Variants in RIMS2 observed in about 807,000 individuals in gnomAD.
RIMS2 encodes the protein regulating synaptic membrane exocytosis 2.
RIMS2 carries 59 observed loss-of-function variants against 174.4 expected under a neutral mutation model. That is an observed-to-expected ratio of 0.34 (90% CI 0.27 to 0.42). RIMS2 has a LOEUF of 0.42. RIMS2 is among the 10% of genes least tolerant of loss of function. The pLI is 1.00. For missense variants in RIMS2, 1,620 were observed against 1,666.3 expected (o/e 0.97, Z 0.48); for synonymous variants, 606 against 572.5 (o/e 1.06, Z -0.84).
At chr8:103,547,488 T>C (rs1410888642) in intron 1 of RIMS2, among the ~76,000 whole-genome samples, 1 of 152,166 alleles carries the variant, frequency 6.6e-6, no homozygotes, top group African/African-American at 2.4e-5. Context: ...CATACCAGAA[T>C]CTCTGGGACA....
chr8:103,813,348 A>G (rs1424388255), intron 3 of RIMS2, among the ~76,000 whole-genome samples: 2 of 151,174 alleles, frequency 1.3e-5, no homozygotes, highest in Non-Finnish European at 2.9e-5. Context: ...GCCACTAGGC[A>G]TTTATAAACC....
intron 2 of RIMS2, among the ~76,000 whole-genome samples, chr8:103,721,658 T>A (rs1490995718): frequency 2.0e-5 from 3 of 152,194 alleles, no homozygotes; most frequent in Non-Finnish European, 2.9e-5. Flanking sequence ...TTACTACTTT[T>A]TTATCTTTTA....
chr8:103,689,677 CCTG>C (rs2096988637), intron 1 of RIMS2, among the ~76,000 whole-genome samples: 2 of 152,066 alleles, frequency 1.3e-5, no homozygotes, highest in Admixed American at 1.3e-4. Context: ...TATAGTTACT[CCTG>C]CTCCTTTTTT....
chr8:104,247,136 C>T (rs1225437325), intron 20 of RIMS2, among the ~76,000 whole-genome samples: 1 of 152,052 alleles, frequency 6.6e-6, no homozygotes, highest in Non-Finnish European at 1.5e-5. Flanking sequence ...TGTATTTTGA[C>T]AGTAGAGCAA....
chr8:103,546,728 C>CA, intron 1 of RIMS2, among the ~76,000 whole-genome samples: 1 of 152,182 alleles, frequency 6.6e-6, no homozygotes, highest in Admixed American at 6.5e-5. Context: ...CTAGGAAAAC[C>CA]ACTCAAAACC....
intron 19 of RIMS2, among the ~76,000 whole-genome samples, chr8:104,024,159 C>T (rs1021600220): frequency 4.6e-5 from 7 of 152,076 alleles, no homozygotes; most frequent in African/African-American, 1.7e-4. Context: ...AAACAGAATA[C>T]ATGAAGGATA....
At position 104,213,750 on chromosome 8, in the gene RIMS2, G is replaced by A. The variant is rs544411703; in HGVS notation, c.3335-31166G>A. Among the ~76,000 whole-genome samples the A allele has an allele frequency of 1.7e-3, 250 of 151,444 alleles. 2 individuals carry two copies. Among genetic ancestry groups the A allele is most frequent in the African/African-American group, 5.4e-3 (223 of 41,204 alleles). ...AAATTAGTTGGGCGTGGTGGCACGCGCCTGTAGTCCCTGCTACTCAGGAGG... is the reference window on the plus strand; with the variant it reads ...AAATTAGTTGGGCGTGGTGGCACGCACCTGTAGTCCCTGCTACTCAGGAGG... On this transcript the variant is annotated intron_variant, in intron 19 of 23. Coordinates refer to ENST00000504942, the Ensembl canonical transcript of RIMS2.
intron 19 of RIMS2, among the ~76,000 whole-genome samples, 184 bp from the exon 26 acceptor site, chr8:104,244,732 T>G (rs937193276): frequency 6.6e-6 from 1 of 152,198 alleles, no homozygotes; most frequent in Non-Finnish European, 1.5e-5. Flanking sequence ...TTTTAGAAAA[T>G]CTTCATCCCA....
Position 103,858,417 on chromosome 8 carries a change from A to G in RIMS2, c.699-26881A>G, listed in dbSNP as rs188361792. Among the ~76,000 whole-genome samples the G allele has an allele frequency of 4.4e-3, 666 of 152,234 alleles. 3 individuals carry two copies. The highest frequency in any genetic ancestry group is 0.019 in the South Asian group (93 of 4,822). Reference sequence around the variant, plus strand: ...TAGCCAACTTTCCAATTTTATTTTAATATTAATAGAAGGCATTGGATTATC... The same window carrying G: ...TAGCCAACTTTCCAATTTTATTTTAGTATTAATAGAAGGCATTGGATTATC... On this transcript the variant is annotated intron_variant, in intron 3 of 23. Coordinates refer to ENST00000504942, the Ensembl canonical transcript of RIMS2.
rs985040541 is a variant in RIMS2, at chr8:103,680,265, C to G, written c.177-16821C>G. On this transcript the variant is annotated intron_variant, in intron 1 of 23. Transcript: ENST00000504942. ...CTTAGTATATGATAGATTGATATCA[C>G]AAATCAGTGGAAGAAAGGACGAACT... 5.9e-5 allele frequency among the ~76,000 whole-genome samples: 9 copies of G among 151,958 alleles called. No homozygotes were observed. In the South Asian group the frequency reaches 1.7e-3, roughly 28 times the overall value.
intron 19 of RIMS2, among the ~76,000 whole-genome samples, chr8:104,189,943 C>G (rs943521671): frequency 6.6e-6 from 1 of 151,970 alleles, no homozygotes; most frequent in Non-Finnish European, 1.5e-5. Context: ...CTCACATCAT[C>G]TTCAAGGGTC....
intron 19 of RIMS2, among the ~76,000 whole-genome samples, chr8:104,070,631 G>T (rs2097180616): frequency 6.6e-6 from 1 of 151,946 alleles, no homozygotes; most frequent in Non-Finnish European, 1.5e-5. Flanking sequence ...TGTTCACCTT[G>T]TATAATCCAG....
intron 14 of RIMS2, among the ~76,000 whole-genome samples, chr8:103,949,446 A>G (rs1483442198): frequency 6.6e-6 from 1 of 152,218 alleles, no homozygotes; most frequent in Non-Finnish European, 1.5e-5. Flanking sequence ...AAAGTTTGTT[A>G]TCTGATCACG....
At chr8:104,202,313 G>A (rs543916820) in intron 19 of RIMS2, among the ~76,000 whole-genome samples, 2 of 152,124 alleles carry the variant, frequency 1.3e-5, no homozygotes, top group Non-Finnish European at 1.5e-5. Flanking sequence ...ACAAAGAGAC[G>A]TGGTATATTA....
At chr8:103,874,728 C>T (rs926735641) in intron 3 of RIMS2, among the ~76,000 whole-genome samples, 3 of 152,020 alleles carry the variant, frequency 2.0e-5, no homozygotes, top group Non-Finnish European at 4.4e-5. Context: ...ACTGTGTTGT[C>T]TAATCTGGTG....
intron 15 of RIMS2, among the ~76,000 whole-genome samples, chr8:103,961,581 T>C (rs1339367711): frequency 6.6e-6 from 1 of 152,182 alleles, no homozygotes; most frequent in Non-Finnish European, 1.5e-5. Context: ...TTTGAAATTA[T>C]AGTATTGTAG....
intron 3 of RIMS2, among the ~76,000 whole-genome samples, chr8:103,781,655 T>G (rs1420828944): frequency 6.6e-6 from 1 of 151,906 alleles, no homozygotes; most frequent in East Asian, 1.9e-4. Flanking sequence ...TGTTTTGGAG[T>G]AAATTTTAAG....
intron 19 of RIMS2, among the ~76,000 whole-genome samples, chr8:104,131,901 T>A (rs1224727296): frequency 2.6e-5 from 4 of 152,184 alleles, no homozygotes; most frequent in Non-Finnish European, 4.4e-5. Flanking sequence ...ATACAAGCAC[T>A]ATAGAATTTT....
intron 19 of RIMS2, among the ~76,000 whole-genome samples, chr8:104,224,973 A>G (rs1042126858): frequency 6.6e-6 from 1 of 152,236 alleles, no homozygotes; most frequent in Non-Finnish European, 1.5e-5. Flanking sequence ...TTTAATTTCC[A>G]TACTAGTCCT....
Sources: gnomAD v4.1 joint callset for allele counts (sites outside exome capture counted in the v4.1 genomes callset) on GRCh38, gnomAD v4.1.1 for gene constraint, MANE v1.5 for transcripts, NCBI Gene and HGNC (gene_info 2026-07-23, HGNC 2026-07-21) for gene names.